The following CDC73 variants were observed in gnomAD, a reference collection of about 807,000 sequenced individuals.
CDC73 encodes the protein cell division cycle 73.
CDC73 carries 21 observed loss-of-function variants against 83.7 expected under a neutral mutation model. The ratio of observed to expected loss-of-function variants is 0.25; its 90% CI spans 0.18 to 0.36. The LOEUF is 0.36. Among genes scored for constraint, CDC73 ranks in the 10% least tolerant of loss-of-function variants. The pLI is 1.00. For synonymous variants in CDC73, 224 were observed against 212.9 expected, an observed-to-expected ratio of 1.05 and a Z score of -0.45; for missense variants, 342 against 653.3, an observed-to-expected ratio of 0.52 and a Z score of 5.19.
intron 13 of CDC73, among the ~76,000 whole-genome samples, chr1:193,214,716 A>C (rs1677334437): frequency 6.6e-6 from 1 of 152,232 alleles, no homozygotes; most frequent in African/African-American, 2.4e-5. Context: ...GAGACTCCTC[A>C]GAAAATAAGA....
chr1:193,160,407 A>G (rs1280723715), intron 10 of CDC73, among the ~76,000 whole-genome samples: 5 of 152,128 alleles, frequency 3.3e-5, no homozygotes, highest in Admixed American at 1.3e-4. Context: ...CCAGTTTGGA[A>G]ATATATTTTG....
At chr1:193,133,945 A>G (rs1294458994) in intron 3 of CDC73, among the ~76,000 whole-genome samples, 6 of 151,952 alleles carry the variant, frequency 3.9e-5, no homozygotes, top group Non-Finnish European at 7.4e-5. Flanking sequence ...AAAATCTGTA[A>G]GTTTGATAAT....
chr1:193,192,710 A>C (rs1442984508), intron 10 of CDC73, among the ~76,000 whole-genome samples: 3 of 152,208 alleles, frequency 2.0e-5, no homozygotes, highest in African/African-American at 7.2e-5. Flanking sequence ...GCAGGGGGCC[A>C]CTCACAGAAG....
chr1:193,151,091 A>G (rs181010915), intron 9 of CDC73, among the ~76,000 whole-genome samples: 55 of 152,310 alleles, frequency 3.6e-4, no homozygotes, highest in Admixed American at 3.2e-3. Context: ...CAATAACACC[A>G]TTTCTGCAGT....
At chr1:193,190,586 G>A (rs1676902378) in intron 10 of CDC73, among the ~76,000 whole-genome samples, 1 of 152,162 alleles carries the variant, frequency 6.6e-6, no homozygotes, top group Admixed American at 6.5e-5. Context: ...TTCTCCTTCA[G>A]TTTTCTTGTG....
chr1:193,196,331 T>TC (rs1363830908), intron 10 of CDC73, among the ~76,000 whole-genome samples: 1 of 152,202 alleles, frequency 6.6e-6, no homozygotes, highest in African/African-American at 2.4e-5. Flanking sequence ...GGTATTCTAG[T>TC]CCATTAATCT....
intron 13 of CDC73, among the ~76,000 whole-genome samples, chr1:193,225,568 T>C (rs1003342512): frequency 1.3e-5 from 2 of 152,152 alleles, no homozygotes; most frequent in Non-Finnish European, 2.9e-5. Context: ...TGCCAACATC[T>C]ATTGTTTTTT....
At chr1:193,189,084 C>T (rs920126787) in intron 10 of CDC73, among the ~76,000 whole-genome samples, 4 of 151,656 alleles carry the variant, frequency 2.6e-5, no homozygotes, top group South Asian at 2.1e-4. Context: ...CTGCCGAGTA[C>T]CTGGGATTAC....
chr1:193,223,603 G>C lies in CDC73; in HGVS notation c.1155-9390G>C, dbSNP rs150086881. 1.7e-3 allele frequency among the ~76,000 whole-genome samples: 265 copies of C among 152,260 alleles called. 1 individual carries two copies. The highest frequency in any genetic ancestry group is 6.2e-3 in the African/African-American group (257 of 41,574). ...CCATTATGTTGAACTTAACCCCTGA[G>C]TCTCAGCTTTATAAGGGAAGGAACT... On this transcript the variant is annotated intron_variant, in intron 13 of 16. Coordinates refer to ENST00000367435, the MANE Select transcript of CDC73 (RefSeq NM_024529.5).
intron 10 of CDC73, among the ~76,000 whole-genome samples, chr1:193,153,033 G>A (rs559317495): frequency 6.6e-6 from 1 of 152,236 alleles, no homozygotes; most frequent in South Asian, 2.1e-4. Context: ...CTCCTGAAGT[G>A]CTGGGATTAC....
chr1:193,136,042 AT>A (rs1000499641), intron 5 of CDC73, among the ~76,000 whole-genome samples: 13 of 147,274 alleles, frequency 8.8e-5, no homozygotes, highest in Middle Eastern at 3.2e-3. Context: ...TTAATTTTTG[AT>A]TTTTTTTTTA....
At chr1:193,234,175 T>TCTCACACACACACACACACACACACA (rs1241998258) in intron 14 of CDC73, among the ~76,000 whole-genome samples, 1 of 101,414 alleles carries the variant, frequency 9.9e-6, no homozygotes, top group African/African-American at 4.2e-5. Flanking sequence ...TCTCTCTCTC[T>TCTCACACACACACACACACACACACA]CACACACACA....
Position 193,152,571 on chromosome 1 carries a change from T to C in CDC73, c.972+127T>C, listed in dbSNP as rs1676132620. 5 of 680,090 alleles carry C rather than the reference T, an allele frequency of 7.4e-6. No homozygotes were observed. In the Admixed American group the frequency reaches 8.7e-5, roughly 12 times the overall value. The allele number at this position is 680,090 out of a possible 1,614,324, so 42.1% of individuals were successfully genotyped here. On this transcript the variant is annotated intron_variant, in intron 10 of 16. Coordinates refer to ENST00000367435, the MANE Select transcript of CDC73 (RefSeq NM_024529.5). ...ATTTTTCTTTATTGATCACTTGTGC[T>C]GATTGATCTGTGTGGTGTATTATTT...
chr1:193,150,274 ACAAGT>A, intron 8 of CDC73, 25 bp from the exon 9 acceptor site: 1 of 1,455,358 alleles, frequency 6.9e-7, no homozygotes, highest in Non-Finnish European at 9.7e-7. Flanking sequence ...AAAAATATTA[ACAAGT>A]AACTCATAAT....
At position 193,231,508 on chromosome 1, in the gene CDC73, T is replaced by G. The variant is rs1157330191; in HGVS notation, c.1155-1485T>G. Among the ~76,000 whole-genome samples the G allele has an allele frequency of 2.6e-5, 4 of 152,322 alleles. No homozygotes were observed. The East Asian group carries it at 7.7e-4, about 29-fold the overall frequency. On this transcript the variant is annotated intron_variant, in intron 13 of 16. Coordinates refer to ENST00000367435, the MANE Select transcript of CDC73 (RefSeq NM_024529.5). ...GCAATTTCAAACAATGCACACATAT[T>G]AAATTTTCTAAATAATGTGTTTCAT...
At chr1:193,242,940 C>T (rs1012418215) in intron 15 of CDC73, among the ~76,000 whole-genome samples, 3 of 149,978 alleles carry the variant, frequency 2.0e-5, no homozygotes, top group Admixed American at 6.7e-5. Context: ...ATTTCTTTTT[C>T]TTCTTCTTCT....
At chr1:193,127,312 T>TGTGTGTGTGTGA (rs1291712885) in intron 2 of CDC73, among the ~76,000 whole-genome samples, 2 of 146,446 alleles carry the variant, frequency 1.4e-5, no homozygotes, top group African/African-American at 2.5e-5. Context: ...TGTGTGTGTG[T>TGTGTGTGTGTGA]GTGTGATTAT....
chr1:193,214,426 G>A (rs1003433234), intron 13 of CDC73, among the ~76,000 whole-genome samples: 1 of 152,076 alleles, frequency 6.6e-6, no homozygotes, highest in Non-Finnish European at 1.5e-5. Context: ...AATTAAAAAT[G>A]CAGATTATTG....
intron 10 of CDC73, among the ~76,000 whole-genome samples, chr1:193,188,628 C>T (rs988995126): frequency 6.6e-6 from 1 of 152,034 alleles, no homozygotes; most frequent in Non-Finnish European, 1.5e-5. Context: ...ACATTCCCTA[C>T]CCCTTTCTCC....
Sources: allele counts gnomAD v4.1 joint callset (sites outside exome capture counted in the v4.1 genomes callset), GRCh38; gene constraint gnomAD v4.1.1; transcripts MANE v1.5; gene names NCBI Gene and HGNC (gene_info 2026-07-23, HGNC 2026-07-21).